The following CGNL1 variants were observed in gnomAD, a reference collection of about 807,000 sequenced individuals.
CGNL1 encodes cingulin-like protein 1.
Under a neutral mutation model 141.2 loss-of-function variants are expected in CGNL1, and 132 were observed. The observed-to-expected ratio is 0.93, with a 90% CI of 0.81 to 1.08. The LOEUF is 1.08. Among genes scored for constraint, CGNL1 ranks in the 50% least tolerant of loss-of-function variants. The probability of loss-of-function intolerance (pLI) is 0.00; values close to 1 mark genes in which losing one functional copy is unlikely to be tolerated. For missense variants in CGNL1, 1,870 were observed against 1,588.6 expected (o/e 1.18, Z -3.01); for synonymous variants, 690 against 622.1 (o/e 1.11, Z -1.63).
intron 1 of CGNL1, among the ~76,000 whole-genome samples, chr15:57,434,032 T>C (rs1235549790): frequency 7.1e-6 from 1 of 140,836 alleles, no homozygotes; most frequent in African/African-American, 2.6e-5. Context: ...GATCAGGCAG[T>C]CAGGGTTCAT....
At chr15:57,517,501 C>T (rs531990297) in intron 9 of CGNL1, among the ~76,000 whole-genome samples, 40 of 152,334 alleles carry the variant, frequency 2.6e-4, no homozygotes, top group African/African-American at 8.7e-4. Flanking sequence ...CACACGTGGT[C>T]ACTGCCTTAG....
intron 8 of CGNL1, among the ~76,000 whole-genome samples, chr15:57,463,019 A>G (rs796309429): frequency 5.3e-5 from 8 of 152,004 alleles, no homozygotes; most frequent in African/African-American, 1.7e-4. Flanking sequence ...TTTATGTGCT[A>G]TTGCTTCATC....
Position 57,528,297 on chromosome 15 carries a change from G to C in CGNL1, c.3040-357G>C, listed in dbSNP as rs114869303. ...AAAAAAACTATATCTTGCAACCCAG[G>C]AATACACGCATCTGCACAAATATAT... On this transcript the variant is annotated intron_variant, in intron 12 of 18. Coordinates refer to ENST00000281282, the MANE Select transcript of CGNL1 (RefSeq NM_032866.5). 3.4e-3 allele frequency among the ~76,000 whole-genome samples: 524 copies of C among 151,912 alleles called. 5 individuals are homozygous for C. The highest frequency in any genetic ancestry group is 0.012 in the African/African-American group (515 of 41,406).
intron 8 of CGNL1, among the ~76,000 whole-genome samples, chr15:57,498,244 A>AGT (rs1216732402): frequency 1.9e-5 from 1 of 53,382 alleles, no homozygotes; most frequent in African/African-American, 5.7e-5. Context: ...TTGGGGAAAC[A>AGT]GTTTTTTTTT....
chr15:57,490,839 A>C (rs2063850726), intron 8 of CGNL1, among the ~76,000 whole-genome samples: 1 of 152,174 alleles, frequency 6.6e-6, no homozygotes, highest in Admixed American at 6.5e-5. Context: ...AATCACATTG[A>C]TAGTATCTAC....
Position 57,519,600 on chromosome 15 carries a change from A to AT in CGNL1, c.2715+1111dup, listed in dbSNP as rs1184444830. Among the ~76,000 whole-genome samples, 9 of 151,930 alleles carry AT rather than the reference A, an allele frequency of 5.9e-5. No individual in the cohort carries two copies. In the South Asian group the frequency reaches 1.0e-3, roughly 18 times the overall value. On this transcript the variant is annotated intron_variant, in intron 10 of 18. Transcript: ENST00000281282. ...CAATGTCTGACTGCCTTCACTTTGG[A>AT]TTTTTTTTATTTCTTTAAATCTAGA...
intron 1 of CGNL1, among the ~76,000 whole-genome samples, chr15:57,428,816 A>T (rs1289371005): frequency 6.6e-6 from 1 of 152,128 alleles, no homozygotes; most frequent in Non-Finnish European, 1.5e-5. Flanking sequence ...TGAGGTCAGG[A>T]GATCGAGACC....
chr15:57,498,188 G>A (rs2063969309), intron 8 of CGNL1, among the ~76,000 whole-genome samples: 1 of 150,232 alleles, frequency 6.7e-6, no homozygotes. Flanking sequence ...ATATAGTCTT[G>A]TGTTGTGCTT....
chr15:57,460,795 T>G (rs1595727713), intron 7 of CGNL1, among the ~76,000 whole-genome samples: 1 of 152,054 alleles, frequency 6.6e-6, no homozygotes, highest in East Asian at 1.9e-4. Flanking sequence ...AAGATGAGAT[T>G]TGGGTGAGGA....
At position 57,439,474 on chromosome 15, in the gene CGNL1, A is replaced by G; in HGVS notation, c.1475A>G (p.Lys492Arg). 1.2e-6 allele frequency: 2 copies of G among 1,614,226 alleles called. No individual in the cohort carries two copies. Among genetic ancestry groups the G allele is most frequent in the South Asian group, 1.1e-5 (1 of 91,082 alleles). The change falls in exon 2 of 19, where the codon AAA becomes AGA. Residue 492 changes from lysine (K) to arginine (R), a missense_variant. Transcript: ENST00000281282. ...GCGCCCTCCCTTGGTGCACAGAGTA[A>G]AAAGGAGGAGGAGGTGAAAACAGCC... ...IRAPSLGAQS[K>R]KEEEVKTATA...
intron 1 of CGNL1, among the ~76,000 whole-genome samples, chr15:57,389,947 C>T (rs2062524325): frequency 2.0e-5 from 3 of 152,080 alleles, no homozygotes; most frequent in Admixed American, 2.0e-4. Flanking sequence ...TCCCAAGGAG[C>T]TGGGATTACA....
chr15:57,456,841 TGTG>T (rs1256667453), intron 7 of CGNL1, among the ~76,000 whole-genome samples: 1 of 152,198 alleles, frequency 6.6e-6, no homozygotes, highest in Non-Finnish European at 1.5e-5. Context: ...AGCAGAGTCT[TGTG>T]GTGTTTTATC....
intron 7 of CGNL1, among the ~76,000 whole-genome samples, chr15:57,458,609 G>T (rs1289948109): frequency 1.3e-5 from 2 of 152,214 alleles, no homozygotes; most frequent in Non-Finnish European, 2.9e-5. Context: ...TGAGAAACGT[G>T]TGAGAGTAAA....
chr15:57,429,047 A>C (rs2414507), intron 1 of CGNL1, among the ~76,000 whole-genome samples: 3,327 of 152,022 alleles, frequency 0.022, 117 homozygotes, highest in African/African-American at 0.076. Context: ...ATAAAAAAAA[A>C]AAAAGTGCAG....
intron 1 of CGNL1, among the ~76,000 whole-genome samples, chr15:57,398,862 C>G (rs1015422056): frequency 6.6e-6 from 1 of 152,182 alleles, no homozygotes; most frequent in Non-Finnish European, 1.5e-5. Context: ...CCTCCAAATG[C>G]ATTAAATCCA....
intron 9 of CGNL1, 45 bp downstream of exon 9, chr15:57,517,031 C>A: frequency 6.4e-7 from 1 of 1,560,554 alleles, no homozygotes; most frequent in Non-Finnish European, 8.7e-7. Context: ...GCTGCTGCTC[C>A]TTCTTTCCTG....
Position 57,543,789 on chromosome 15 carries a change from G to C in CGNL1, c.3375+10G>C, listed in dbSNP as rs570191284. 7 of 1,609,288 alleles carry C rather than the reference G, an allele frequency of 4.3e-6. No individual in the cohort carries two copies. In the African/African-American group the frequency reaches 8.0e-5, roughly 18 times the overall value. On this transcript the variant is annotated intron_variant, in intron 15 of 18. Coordinates refer to ENST00000281282, the MANE Select transcript of CGNL1 (RefSeq NM_032866.5). ...TTCCCTGGAGAGGCAGGTGAGGGCA[G>C]CCAGCCTGTGAGCTGCCCCCCCGTC...
intron 1 of CGNL1, among the ~76,000 whole-genome samples, chr15:57,396,330 A>C (rs2062602368): frequency 6.8e-6 from 1 of 147,972 alleles, no homozygotes; most frequent in African/African-American, 2.5e-5. Context: ...GCTGGAGTAC[A>C]GTGATGTGAT....
chr15:57,423,887 C>T (rs1279461872), intron 1 of CGNL1, among the ~76,000 whole-genome samples: 1 of 152,232 alleles, frequency 6.6e-6, no homozygotes, highest in East Asian at 1.9e-4. Flanking sequence ...CATGTGCTGC[C>T]AGGCGATGCT....
Sources: gnomAD v4.1 joint callset for allele counts (sites outside exome capture counted in the v4.1 genomes callset) on GRCh38, gnomAD v4.1.1 for gene constraint, MANE v1.5 for transcripts, NCBI Gene and HGNC (gene_info 2026-07-23, HGNC 2026-07-21) for gene names.